Variants in PPM1E observed in about 807,000 individuals in gnomAD.
The protein encoded by PPM1E is protein phosphatase 1E.
PPM1E carries 20 observed loss-of-function variants against 65.9 expected under a neutral mutation model. That is an observed-to-expected ratio of 0.30 (90% CI 0.21 to 0.44). The LOEUF (loss-of-function observed/expected upper bound fraction) is 0.44. Ranked by LOEUF, PPM1E falls within the 20% of genes least tolerant of loss-of-function variation. The pLI is 1.00. For missense variants in PPM1E, 713 were observed against 953.1 expected, an observed-to-expected ratio of 0.75 and a Z score of 3.32; for synonymous variants, 352 against 374.9, an observed-to-expected ratio of 0.94 and a Z score of 0.70.
intron 1 of PPM1E, among the ~76,000 whole-genome samples, chr17:58,761,582 A>G (rs546914001): frequency 3.3e-5 from 5 of 152,282 alleles, no homozygotes; most frequent in South Asian, 2.1e-4. Context: ...ACCTTTGCAC[A>G]TAGTATATTT....
rs1011446627 is a variant in PPM1E at position 58,758,801 on chromosome 17, C to T, written c.464+2340C>T. ...TAACAGGTTTAAAAACAGTTTTTGC[C>T]GGGCACAGTGGCTCATGCCTGTAAT... On this transcript the variant is annotated intron_variant, in intron 1 of 6. Coordinates refer to ENST00000308249, the MANE Select transcript of PPM1E (RefSeq NM_014906.5). Among the ~76,000 whole-genome samples, 61 of 152,082 alleles carry T rather than the reference C, an allele frequency of 4.0e-4. 2 individuals are homozygous for T. Among genetic ancestry groups the T allele is most frequent in the African/African-American group, 3.6e-4 (15 of 41,488 alleles).
intron 1 of PPM1E, among the ~76,000 whole-genome samples, chr17:58,883,329 C>A (rs1020029955): frequency 1.3e-5 from 2 of 151,922 alleles, no homozygotes; most frequent in African/African-American, 4.8e-5. Context: ...TTGTTTGTTA[C>A]AGTTATCTCT....
At chr17:58,789,205 A>G (rs1175085964) in intron 1 of PPM1E, among the ~76,000 whole-genome samples, 1 of 152,220 alleles carries the variant, frequency 6.6e-6, no homozygotes. Flanking sequence ...CAAGCCCGTA[A>G]TTCTAAGAAC....
At chr17:58,864,707 G>T (rs573616649) in intron 1 of PPM1E, among the ~76,000 whole-genome samples, 3 of 151,836 alleles carry the variant, frequency 2.0e-5, no homozygotes, top group Admixed American at 6.6e-5. Context: ...AGAGGCAGAG[G>T]TGGGTGGATC....
At chr17:58,761,954 TG>T (rs1225379509) in intron 1 of PPM1E, among the ~76,000 whole-genome samples, 1 of 152,260 alleles carries the variant, frequency 6.6e-6, no homozygotes, top group Non-Finnish European at 1.5e-5. Context: ...TATAAATATT[TG>T]ACATGTTTAT....
At chr17:58,953,922 A>G (rs540206468) in intron 1 of PPM1E, among the ~76,000 whole-genome samples, 2 of 151,958 alleles carry the variant, frequency 1.3e-5, no homozygotes, top group East Asian at 1.9e-4. Flanking sequence ...TAATTTTTGT[A>G]TTTAGTAGAG....
intron 1 of PPM1E, among the ~76,000 whole-genome samples, chr17:58,893,373 A>G (rs1178936225): frequency 6.6e-6 from 1 of 152,200 alleles, no homozygotes; most frequent in African/African-American, 2.4e-5. Context: ...TGCCTATTGT[A>G]TGATTGCAAC....
chr17:58,969,647 T>C lies in PPM1E; in HGVS notation c.892T>C (p.Phe298Leu). Residue 298 changes from phenylalanine to leucine, a missense_variant, in exon 4 of 7, where the codon TTC (phenylalanine) becomes CTC (leucine). Phe to Leu is a conservative substitution (Grantham distance 22). Around this residue, in one of 6 missense-constraint regions of PPM1E, gnomAD observed 18 missense variants for 16.4 expected, o/e 1.10. Transcript: ENST00000308249. ...LHVNLVRQEM[F>L]PHDPAEALCR... ...CGTTAACTTAGTCCGCCAGGAGATG[T>C]TCCCCCATGATCCTGCTGAGGCCCT... 6.2e-7 allele frequency: 1 copy of C among 1,614,136 alleles called. No individual in the cohort carries two copies. The highest frequency in any genetic ancestry group is 2.2e-5 in the East Asian group (1 of 44,878).
chr17:58,788,886 A>G (rs1423056055), intron 1 of PPM1E, among the ~76,000 whole-genome samples: 1 of 152,214 alleles, frequency 6.6e-6, no homozygotes, highest in East Asian at 1.9e-4. Flanking sequence ...GAATTCAGTG[A>G]CTTGACCTTT....
intron 1 of PPM1E, among the ~76,000 whole-genome samples, chr17:58,759,248 G>A (rs182794060): frequency 2.0e-5 from 3 of 152,006 alleles, no homozygotes; most frequent in Admixed American, 6.6e-5. Context: ...ACAGTGAGAC[G>A]TTGTCTCAAA....
chr17:58,759,185 C>A (rs1295637621), intron 1 of PPM1E, among the ~76,000 whole-genome samples: 1 of 152,136 alleles, frequency 6.6e-6, no homozygotes, highest in African/African-American at 2.4e-5. Context: ...GGGAGGCTTT[C>A]CTGAGCACAG....
intron 1 of PPM1E, among the ~76,000 whole-genome samples, chr17:58,774,645 T>C (rs186709800): frequency 6.6e-6 from 1 of 152,306 alleles, no homozygotes; most frequent in East Asian, 1.9e-4. Context: ...AGATAATATT[T>C]AACATATTTT....
chr17:58,954,385 G>T (rs1335835991), intron 1 of PPM1E, among the ~76,000 whole-genome samples: 1 of 152,036 alleles, frequency 6.6e-6, no homozygotes, highest in Non-Finnish European at 1.5e-5. Flanking sequence ...TCTGACGATG[G>T]CACTGTCTTG....
In PPM1E at chr17:58,982,691, G is replaced by A. The variant is rs2031429703; in HGVS notation, c.*1660G>A. 3 of 483,714 alleles carry A rather than the reference G, an allele frequency of 6.2e-6. No homozygotes were observed. The highest frequency in any genetic ancestry group is 1.1e-5 in the Non-Finnish European group (3 of 273,394). 30.0% of individuals were successfully genotyped at this position (483,714 alleles called of 1,614,324 possible). ...AGATTTTATTTTTTAAAATTTGGAT[G>A]TAAGTAGAGACTTTCAGTATTTGTT... On this transcript the variant is annotated 3_prime_UTR_variant, in exon 7 of 7. Transcript: ENST00000308249.
At chr17:58,793,940 T>C (rs1339054314) in intron 1 of PPM1E, among the ~76,000 whole-genome samples, 1 of 151,944 alleles carries the variant, frequency 6.6e-6, no homozygotes, top group Non-Finnish European at 1.5e-5. Flanking sequence ...GTCTCCTGGG[T>C]TCAAACGATT....
At chr17:58,765,265 A>G (rs989994495) in intron 1 of PPM1E, among the ~76,000 whole-genome samples, 2 of 151,112 alleles carry the variant, frequency 1.3e-5, no homozygotes, top group Non-Finnish European at 2.9e-5. Context: ...GCAACTTCCA[A>G]CTTCCTGGTT....
chr17:58,931,234 A>G (rs937577353), intron 1 of PPM1E, among the ~76,000 whole-genome samples: 1 of 152,054 alleles, frequency 6.6e-6, no homozygotes, highest in African/African-American at 2.4e-5. Context: ...TAAAAATACA[A>G]AATTAACCAG....
At chr17:58,881,370 A>C (rs574741385) in intron 1 of PPM1E, among the ~76,000 whole-genome samples, 4 of 152,124 alleles carry the variant, frequency 2.6e-5, no homozygotes, top group Non-Finnish European at 4.4e-5. Flanking sequence ...CTCTTTAAAA[A>C]ATACAAAAAT....
chr17:58,931,998 G>T (rs548752290), intron 1 of PPM1E, among the ~76,000 whole-genome samples: 1 of 152,314 alleles, frequency 6.6e-6, no homozygotes, highest in South Asian at 2.1e-4. Context: ...TGGGAGGGCT[G>T]GGTGTGGTAG....
Sources: gnomAD v4.1 joint callset for allele counts (sites outside exome capture counted in the v4.1 genomes callset) on GRCh38, gnomAD v4.1.1 for gene constraint, gnomAD v4.1.1 regional missense constraint, MANE v1.5 for transcripts, NCBI Gene and HGNC (gene_info 2026-07-23, HGNC 2026-07-21) for gene names.